Variants in GRXCR2 observed in about 807,000 individuals in gnomAD.
GRXCR2 encodes glutaredoxin and cysteine rich domain containing 2.
Under a neutral mutation model 24.8 loss-of-function variants are expected in GRXCR2, and 23 were observed. The observed-to-expected ratio is 0.93, with a 90% CI of 0.67 to 1.32. The LOEUF is 1.32. GRXCR2 is among the 40% of genes most tolerant of loss of function. The pLI is 0.00. For missense variants in GRXCR2, 315 were observed against 303.4 expected (o/e 1.04, Z -0.28); for synonymous variants, 130 against 116.1 (o/e 1.12, Z -0.77).
At chr5:145,915,904 G>T (rs1042942743) in intron 2 of GRXCR2, among the ~76,000 whole-genome samples, 19 of 152,144 alleles carry the variant, frequency 1.2e-4, no homozygotes, top group Admixed American at 2.0e-4. Context: ...CTTTCAGCAC[G>T]GGCCTGGAAC....
At chr5:145,927,412 T>G (rs1266429812) in intron 2 of GRXCR2, among the ~76,000 whole-genome samples, 3 of 152,208 alleles carry the variant, frequency 2.0e-5, no homozygotes, top group Non-Finnish European at 4.4e-5. Context: ...CATCAATAAC[T>G]AATTTATTGA....
chr5:145,879,935 G>C (rs898053966), intron 2 of GRXCR2, among the ~76,000 whole-genome samples: 6 of 152,246 alleles, frequency 3.9e-5, no homozygotes, highest in South Asian at 2.1e-4. Context: ...ACCTGCTCCT[G>C]AACAACTACT....
chr5:145,924,248 T>C (rs1757362127), intron 2 of GRXCR2, among the ~76,000 whole-genome samples: 1 of 152,164 alleles, frequency 6.6e-6, no homozygotes, highest in African/African-American at 2.4e-5. Context: ...GAATCCTAGT[T>C]GAACAGTTAA....
At chr5:145,926,922 T>A (rs1363002696) in intron 2 of GRXCR2, among the ~76,000 whole-genome samples, 1 of 152,196 alleles carries the variant, frequency 6.6e-6, no homozygotes, top group African/African-American at 2.4e-5. Context: ...GGTTTGTAGT[T>A]CTCATTGAAG....
chr5:145,922,773 T>C (rs1269318622), intron 2 of GRXCR2, among the ~76,000 whole-genome samples: 1 of 152,172 alleles, frequency 6.6e-6, no homozygotes, highest in African/African-American at 2.4e-5. Flanking sequence ...GTCTAAAACA[T>C]AGTCTAGCTG....
chr5:145,927,313 C>G (rs1212959883), intron 2 of GRXCR2, among the ~76,000 whole-genome samples: 2 of 152,134 alleles, frequency 1.3e-5, no homozygotes, highest in East Asian at 1.9e-4. Flanking sequence ...TGCCAGTTTT[C>G]AAAGGGAATG....
intron 2 of GRXCR2, among the ~76,000 whole-genome samples, chr5:145,862,692 G>A (rs557905077): frequency 2.4e-4 from 37 of 152,274 alleles, no homozygotes; most frequent in African/African-American, 8.9e-4. Flanking sequence ...CCCTGAAGAT[G>A]GTAACCAGTG....
At chr5:145,890,225 G>T (rs1331738670) in intron 2 of GRXCR2, among the ~76,000 whole-genome samples, 1 of 152,134 alleles carries the variant, frequency 6.6e-6, no homozygotes, top group East Asian at 1.9e-4. Context: ...GAATACCTGG[G>T]ATTACAGGCA....
intron 2 of GRXCR2, among the ~76,000 whole-genome samples, chr5:145,916,882 CTTTT>C (rs1311449933): frequency 6.6e-6 from 1 of 152,082 alleles, no homozygotes; most frequent in Non-Finnish European, 1.5e-5. Context: ...CTGTCATCAC[CTTTT>C]TTGTCATTGT....
At chr5:145,924,755 G>T (rs1272167630) in intron 2 of GRXCR2, among the ~76,000 whole-genome samples, 2 of 152,088 alleles carry the variant, frequency 1.3e-5, no homozygotes, top group African/African-American at 2.4e-5. Flanking sequence ...ATGGTTCTTT[G>T]CACAGAATCT....
chr5:145,882,993 C>A (rs900897214), intron 2 of GRXCR2, among the ~76,000 whole-genome samples: 7 of 121,482 alleles, frequency 5.8e-5, no homozygotes, highest in African/African-American at 2.3e-4. Flanking sequence ...GGACACAGGG[C>A]GGGGAACATC....
intron 2 of GRXCR2, among the ~76,000 whole-genome samples, chr5:145,918,029 C>T (rs776575480): frequency 6.6e-6 from 1 of 152,154 alleles, no homozygotes; most frequent in African/African-American, 2.4e-5. Context: ...CTGCCCACCT[C>T]GGCCTCCCAA....
At chr5:145,868,768 G>A (rs1375236699) in intron 1 of GRXCR2, among the ~76,000 whole-genome samples, 1 of 152,160 alleles carries the variant, frequency 6.6e-6, no homozygotes, top group Non-Finnish European at 1.5e-5. Context: ...ACCCAAGATA[G>A]CAAGTTTATT....
chr5:145,871,569 C>T lies in GRXCR2; in HGVS notation c.336+1064G>A, dbSNP rs537136205. ...ACATGATGACACTTTGTACTGCATACGTCACCCCATTAAGATAAGAGGTCA... is the reference window on the plus strand; with the variant it reads ...ACATGATGACACTTTGTACTGCATATGTCACCCCATTAAGATAAGAGGTCA... On this transcript the variant is annotated intron_variant, in intron 1 of 2. Coordinates refer to ENST00000377976, the MANE Select transcript of GRXCR2 (RefSeq NM_001080516.2). Among the ~76,000 whole-genome samples, 9 of 152,272 alleles carry T rather than the reference C, an allele frequency of 5.9e-5. No homozygotes were observed. In the East Asian group the frequency reaches 1.5e-3, roughly 26 times the overall value.
In GRXCR2 at chr5:145,866,558, C is replaced by T. The variant is rs1192466778; in HGVS notation, c.507G>A (p.Gln169=). The part of the protein sequence containing the change: ...NKEESYGGRD[Q]HDRPLVEAES... ...CTGCCTCCACCAAAGGTCTATCGTG[C>T]TGGTCCCTGCCTCCATAGCTTTCTT... Residue 169 remains glutamine (Q), a synonymous_variant, in exon 2 of 3, where the codon CAG becomes CAA. Coordinates refer to ENST00000377976, the MANE Select transcript of GRXCR2 (RefSeq NM_001080516.2). 1.2e-6 allele frequency: 2 copies of T among 1,614,180 alleles called. No individual in the cohort carries two copies. Among genetic ancestry groups the T allele is most frequent in the Admixed American group, 3.3e-5 (2 of 60,026 alleles).
At chr5:145,922,330 C>T (rs1340006124) in intron 2 of GRXCR2, among the ~76,000 whole-genome samples, 2 of 152,184 alleles carry the variant, frequency 1.3e-5, no homozygotes, top group African/African-American at 4.8e-5. Context: ...CTCTTCTGCT[C>T]CTGCTCATCT....
intron 1 of GRXCR2, among the ~76,000 whole-genome samples, chr5:145,869,149 G>A (rs981634490): frequency 6.6e-6 from 1 of 152,172 alleles, no homozygotes; most frequent in Non-Finnish European, 1.5e-5. Context: ...AAATTCAGTG[G>A]GCTTTGGAGA....
At chr5:145,879,039 G>A (rs962042082) in intron 2 of GRXCR2, among the ~76,000 whole-genome samples, 1 of 152,120 alleles carries the variant, frequency 6.6e-6, no homozygotes, top group Non-Finnish European at 1.5e-5. Flanking sequence ...AACTCCAGAA[G>A]GAAGCACTAA....
intron 2 of GRXCR2, among the ~76,000 whole-genome samples, chr5:145,920,472 T>C (rs6865660): frequency 0.15 from 22,871 of 152,248 alleles, 1,958 homozygotes; most frequent in Non-Finnish European, 0.2. Flanking sequence ...TATTGGGCAT[T>C]ATTGTTTTCA....
Sources: allele counts gnomAD v4.1 joint callset (sites outside exome capture counted in the v4.1 genomes callset), GRCh38; gene constraint gnomAD v4.1.1; transcripts MANE v1.5; gene names NCBI Gene and HGNC (gene_info 2026-07-23, HGNC 2026-07-21).